NRG3: variants seen among roughly 807,000 people sequenced by gnomAD.
NRG3 encodes neuregulin 3.
A neutral mutation model predicts 66.9 loss-of-function variants in NRG3; 31 were observed. That is an observed-to-expected ratio of 0.46 (90% CI 0.35 to 0.63). The LOEUF (loss-of-function observed/expected upper bound fraction) is 0.63. Ranked by LOEUF, NRG3 falls within the 20% of genes least tolerant of loss-of-function variation. The pLI, the probability that NRG3 is intolerant of heterozygous loss-of-function variation, is 0.00. For missense variants in NRG3, 910 were observed against 878.9 expected, an observed-to-expected ratio of 1.04 and a Z score of -0.45; for synonymous variants, 393 against 359.4, an observed-to-expected ratio of 1.09 and a Z score of -1.06.
intron 1 of NRG3, among the ~76,000 whole-genome samples, chr10:81,930,889 G>T (rs931488504): frequency 2.0e-5 from 3 of 152,106 alleles, no homozygotes; most frequent in African/African-American, 7.2e-5. Flanking sequence ...AAGTTGCTGG[G>T]GTCTGTCTGG....
chr10:82,289,518 A>T (rs912296658), intron 1 of NRG3, among the ~76,000 whole-genome samples: 1 of 152,236 alleles, frequency 6.6e-6, no homozygotes, highest in Non-Finnish European at 1.5e-5. Context: ...GTTTATCCTT[A>T]TAATAACTTG....
chr10:82,930,615 G>A (rs12764358), intron 4 of NRG3, among the ~76,000 whole-genome samples: 1 of 152,186 alleles, frequency 6.6e-6, no homozygotes, highest in African/African-American at 2.4e-5. Context: ...TGCCAGTTTA[G>A]AGTTCAGTCT....
intron 2 of NRG3, among the ~76,000 whole-genome samples, chr10:82,598,759 AT>A (rs1417996333): frequency 6.6e-6 from 1 of 152,202 alleles, no homozygotes; most frequent in Non-Finnish European, 1.5e-5. Context: ...GTTGAAAATG[AT>A]GAGAAGAGGC....
intron 4 of NRG3, among the ~76,000 whole-genome samples, chr10:82,921,287 A>C (rs1401531852): frequency 6.6e-6 from 1 of 152,152 alleles, no homozygotes; most frequent in African/African-American, 2.4e-5. Context: ...TAATTCTCAA[A>C]AGTGTCAAGG....
At chr10:82,923,147 C>T (rs1480363229) in intron 4 of NRG3, among the ~76,000 whole-genome samples, 3 of 152,218 alleles carry the variant, frequency 2.0e-5, no homozygotes, top group African/African-American at 7.2e-5. Context: ...TGCAATCTCC[C>T]AGCCATGCCC....
In NRG3 at chr10:81,919,743, T is replaced by G. The variant is rs573745706; in HGVS notation, c.823+43580T>G. Among the ~76,000 whole-genome samples, 177 of 152,162 alleles carry G rather than the reference T, an allele frequency of 1.2e-3. 1 individual carries two copies. The highest frequency in any genetic ancestry group is 0.01 in the Middle Eastern group (3 of 294). On this transcript the variant is annotated intron_variant, in intron 1 of 8. Transcript: ENST00000372141. ...ACCAAAACCAAGGCAAATGAAGCAC[T>G]AAGGCACTCGACAAAATGAGACACC...
chr10:82,220,577 G>A (rs1286235670), intron 1 of NRG3, among the ~76,000 whole-genome samples: 1 of 152,120 alleles, frequency 6.6e-6, no homozygotes, highest in Non-Finnish European at 1.5e-5. Context: ...GGAGAATCTG[G>A]AGGGCTTTTA....
At chr10:82,421,081 T>C (rs1050766966) in intron 2 of NRG3, among the ~76,000 whole-genome samples, 12 of 152,154 alleles carry the variant, frequency 7.9e-5, no homozygotes, top group African/African-American at 2.9e-4. Flanking sequence ...AGAATCTTCA[T>C]ATGGGCTAAA....
At chr10:82,388,260 A>G (rs2086136433) in intron 2 of NRG3, among the ~76,000 whole-genome samples, 1 of 152,324 alleles carries the variant, frequency 6.6e-6, no homozygotes, top group Non-Finnish European at 1.5e-5. Flanking sequence ...TTTTTTATGA[A>G]CAAATGTGGA....
At chr10:82,015,906 T>C (rs376605872) in intron 1 of NRG3, among the ~76,000 whole-genome samples, 6 of 151,660 alleles carry the variant, frequency 4.0e-5, no homozygotes, top group African/African-American at 1.5e-4. Flanking sequence ...TGTAAAATGA[T>C]GAACATGAAG....
chr10:82,022,493 T>C (rs541480720), intron 1 of NRG3, among the ~76,000 whole-genome samples: 14 of 152,240 alleles, frequency 9.2e-5, no homozygotes, highest in East Asian at 1.9e-4. Context: ...TGATATTTAC[T>C]ATTGGCCAAA....
chr10:82,392,522 T>A (rs2086448898), intron 2 of NRG3, among the ~76,000 whole-genome samples: 1 of 152,304 alleles, frequency 6.6e-6, no homozygotes, highest in South Asian at 2.1e-4. Context: ...CTGAGTTGAA[T>A]TGCTTATGTG....
chr10:82,251,183 G>A (rs2051936050), intron 1 of NRG3, among the ~76,000 whole-genome samples: 1 of 152,070 alleles, frequency 6.6e-6, no homozygotes. Flanking sequence ...GGCACTTAAA[G>A]CTTCCTTAGT....
chr10:82,067,050 A>T (rs2881609), intron 1 of NRG3, among the ~76,000 whole-genome samples: 71,065 of 151,968 alleles, frequency 0.47, 17,107 homozygotes, highest in Non-Finnish European at 0.54. Context: ...TACAACTGCA[A>T]ATTTTATTTC....
intron 1 of NRG3, among the ~76,000 whole-genome samples, chr10:82,216,028 C>T (rs1413629942): frequency 2.3e-5 from 3 of 128,474 alleles, no homozygotes; most frequent in East Asian, 2.5e-4. Flanking sequence ...AGTGCAATGG[C>T]GCGATCTCGG....
intron 1 of NRG3, among the ~76,000 whole-genome samples, chr10:82,216,870 T>A (rs866179019): frequency 1.7e-4 from 26 of 152,258 alleles, no homozygotes; most frequent in Middle Eastern, 6.8e-3. Flanking sequence ...TTTTTTTAAA[T>A]TAGCAAATTA....
At chr10:82,103,126 G>A (rs1399519248) in intron 1 of NRG3, among the ~76,000 whole-genome samples, 1 of 151,958 alleles carries the variant, frequency 6.6e-6, no homozygotes, top group Non-Finnish European at 1.5e-5. Flanking sequence ...ATTCTGGGCT[G>A]GTCTTTTCTT....
intron 1 of NRG3, among the ~76,000 whole-genome samples, chr10:82,248,789 C>T (rs2077359147): frequency 6.6e-6 from 1 of 152,178 alleles, no homozygotes; most frequent in Non-Finnish European, 1.5e-5. Context: ...TATTGTAAAA[C>T]AAAGCTTAGT....
intron 1 of NRG3, among the ~76,000 whole-genome samples, chr10:82,278,865 C>G (rs1345696865): frequency 1.3e-5 from 2 of 152,116 alleles, no homozygotes; most frequent in African/African-American, 4.8e-5. Flanking sequence ...GCCTTGACAA[C>G]TTCTGTATTT....
Sources: allele counts gnomAD v4.1 joint callset (sites outside exome capture counted in the v4.1 genomes callset), GRCh38; gene constraint gnomAD v4.1.1; transcripts MANE v1.5; gene names NCBI Gene and HGNC (gene_info 2026-07-23, HGNC 2026-07-21).